The following MYO16 variants were observed in gnomAD, a reference collection of about 807,000 sequenced individuals.
MYO16 encodes unconventional myosin-XVI.
MYO16 carries 94 observed loss-of-function variants against 205.3 expected under a neutral mutation model. The observed-to-expected ratio is 0.46, with a 90% CI of 0.39 to 0.54. MYO16 has a LOEUF of 0.54. Ranked by LOEUF, MYO16 falls within the 20% of genes least tolerant of loss-of-function variation. The pLI is 0.00. For missense variants in MYO16, 2,315 were observed against 2,387.5 expected (o/e 0.97, Z 0.63); for synonymous variants, 988 against 954.0 (o/e 1.04, Z -0.66).
intron 27 of MYO16, among the ~76,000 whole-genome samples, chr13:109,056,928 A>G (rs1039522615): frequency 6.6e-5 from 10 of 152,178 alleles, no homozygotes; most frequent in East Asian, 5.8e-4. Context: ...AAAATTAACT[A>G]TACAACTACA....
intron 2 of MYO16, among the ~76,000 whole-genome samples, chr13:108,704,952 A>G (rs1883449954): frequency 1.3e-5 from 2 of 151,880 alleles, no homozygotes; most frequent in Non-Finnish European, 2.9e-5. Context: ...AAAAAAAACA[A>G]AAAAAAACCT....
intron 14 of MYO16, among the ~76,000 whole-genome samples, chr13:108,893,866 A>G (rs1880287936): frequency 6.6e-6 from 1 of 152,238 alleles, no homozygotes; most frequent in Admixed American, 6.5e-5. Flanking sequence ...ATTGGGGGTC[A>G]TTTGGATCAG....
intron 27 of MYO16, among the ~76,000 whole-genome samples, chr13:109,097,298 C>T (rs1209782493): frequency 6.6e-6 from 1 of 152,178 alleles, no homozygotes; most frequent in Non-Finnish European, 1.5e-5. Flanking sequence ...CATTGCACTC[C>T]AGCCTGGGCA....
At chr13:109,057,721 G>C (rs755347581) in intron 27 of MYO16, among the ~76,000 whole-genome samples, 2 of 151,024 alleles carry the variant, frequency 1.3e-5, no homozygotes, top group African/African-American at 4.9e-5. Context: ...CCTTTGGTTC[G>C]AGTTTAAAAA....
rs1880006926 is a variant in MYO16, at chr13:108,888,471, C to G, written c.1653C>G (p.Phe551Leu). Residue 551 changes from phenylalanine to leucine, a missense_variant, in exon 14 of 35, where the codon TTC becomes TTG. This residue lies in a region of MYO16 where 1,213 missense variants were observed against 1,274.4 expected (regional missense o/e 0.95). Transcript: ENST00000457511. Reference protein sequence around the residue: ...GASRATLDSRFKHVVCILEAF... With the variant: ...GASRATLDSRLKHVVCILEAF... ...GCAGGGCCACACTGGATTCCAGATTCAAACATGTAAGTTTTTTGTTTGGGT... is the reference window on the plus strand; with the variant it reads ...GCAGGGCCACACTGGATTCCAGATTGAAACATGTAAGTTTTTTGTTTGGGT... 6.3e-7 allele frequency: 1 copy of G among 1,592,792 alleles called. No individual in the cohort carries two copies. The highest frequency in any genetic ancestry group is 1.4e-5 in the African/African-American group (1 of 73,584).
intron 7 of MYO16, among the ~76,000 whole-genome samples, chr13:108,818,243 G>T (rs2139009962): frequency 6.6e-6 from 1 of 151,856 alleles, no homozygotes; most frequent in East Asian, 1.9e-4. Context: ...AATTATCTAG[G>T]TGCGGTGGTG....
intron 7 of MYO16, among the ~76,000 whole-genome samples, chr13:108,810,253 C>T (rs897828423): frequency 2.0e-5 from 3 of 152,208 alleles, no homozygotes; most frequent in Admixed American, 2.0e-4. Context: ...TAAGCCTACT[C>T]AAGTAGTGTC....
intron 23 of MYO16, among the ~76,000 whole-genome samples, chr13:109,025,514 T>C (rs277818): frequency 0.019 from 2,851 of 152,288 alleles, 101 homozygotes; most frequent in African/African-American, 0.066. Flanking sequence ...TGAGCATGAA[T>C]CTGAATTAAA....
chr13:108,782,319 C>A (rs1377730792), intron 4 of MYO16, among the ~76,000 whole-genome samples: 1 of 152,150 alleles, frequency 6.6e-6, no homozygotes, highest in Non-Finnish European at 1.5e-5. Flanking sequence ...TGGCATTTTG[C>A]CCCTGCCCTA....
chr13:109,017,496 A>G (rs2139506604), intron 22 of MYO16, among the ~76,000 whole-genome samples: 1 of 152,120 alleles, frequency 6.6e-6, no homozygotes, highest in African/African-American at 2.4e-5. Context: ...TATTTCCTGA[A>G]TTTGAATGTT....
chr13:108,642,405 C>G (rs1880543435), intron 1 of MYO16, among the ~76,000 whole-genome samples: 1 of 152,116 alleles, frequency 6.6e-6, no homozygotes, highest in Non-Finnish European at 1.5e-5. Flanking sequence ...CTATGCTCTT[C>G]CCCACTTTAA....
At chr13:108,572,254 C>T in the MYO16 span, among the ~76,000 whole-genome samples, 1 of 151,996 alleles carries the variant, frequency 6.6e-6, no homozygotes. Flanking sequence ...TACCTTTTTT[C>T]TTAATGCTGG....
intron 21 of MYO16, among the ~76,000 whole-genome samples, 195 bp from the exon 22 acceptor site, chr13:109,008,702 T>A (rs939963161): frequency 6.9e-6 from 1 of 145,056 alleles, no homozygotes; most frequent in African/African-American, 2.6e-5. Flanking sequence ...TACTGTACTG[T>A]CTATCTTGTG....
intron 23 of MYO16, among the ~76,000 whole-genome samples, chr13:109,040,056 C>A (rs1886831559): frequency 6.6e-6 from 1 of 152,022 alleles, no homozygotes; most frequent in South Asian, 2.1e-4. Flanking sequence ...ACAGCTCTCA[C>A]ACATAAATTC....
chr13:108,585,468 T>G, the MYO16 span, among the ~76,000 whole-genome samples: 1 of 152,172 alleles, frequency 6.6e-6, no homozygotes, highest in Non-Finnish European at 1.5e-5. Context: ...GAGGGAGCTC[T>G]CAGCAGACCT....
At chr13:108,540,927 GA>G in the MYO16 span, among the ~76,000 whole-genome samples, 6 of 152,116 alleles carry the variant, frequency 3.9e-5, no homozygotes, top group Admixed American at 3.9e-4. Flanking sequence ...CTAAGATGTT[GA>G]AAATTATAAA....
intron 23 of MYO16, among the ~76,000 whole-genome samples, chr13:109,043,551 G>A (rs1556364): frequency 0.34 from 51,551 of 151,966 alleles, 9,664 homozygotes; most frequent in East Asian, 0.82. Context: ...TCAGTTTAAT[G>A]TATGCATCAA....
Position 108,692,644 on chromosome 13 carries a change from C to T in MYO16, c.293-20017C>T, listed in dbSNP as rs375286912. Among the ~76,000 whole-genome samples, 11 of 152,234 alleles carry T rather than the reference C, an allele frequency of 7.2e-5. No individual in the cohort carries two copies. In the East Asian group the frequency reaches 9.7e-4, roughly 13 times the overall value. On this transcript the variant is annotated intron_variant, in intron 2 of 34. Coordinates refer to ENST00000457511, the MANE Select transcript of MYO16 (RefSeq NM_001198950.3). The stretch of plus-strand genomic sequence containing the variant: ...TATCTCTCTTCCTTAATGTGTCACA[C>T]GGCGCATATCTTTCTACATGAGCTT...
chr13:108,614,763 A>G (rs1309826749), intron 1 of MYO16, among the ~76,000 whole-genome samples: 1 of 152,098 alleles, frequency 6.6e-6, no homozygotes, highest in Non-Finnish European at 1.5e-5. Context: ...CGGAATATCC[A>G]TATGCAAAAG....
Sources: allele counts gnomAD v4.1 joint callset (sites outside exome capture counted in the v4.1 genomes callset), GRCh38; gene constraint gnomAD v4.1.1; regional missense constraint gnomAD v4.1.1; transcripts MANE v1.5; gene names NCBI Gene and HGNC (gene_info 2026-07-23, HGNC 2026-07-21).